Variants in ARHGEF2 observed in about 807,000 individuals in gnomAD.
ARHGEF2 encodes Rho/Rac guanine nucleotide exchange factor 2.
A neutral mutation model predicts 121.0 loss-of-function variants in ARHGEF2; 22 were observed. The observed-to-expected ratio is 0.18, with a 90% CI of 0.13 to 0.26. The LOEUF is 0.26. ARHGEF2 is among the 10% of genes least tolerant of loss of function. The pLI is 1.00. For synonymous variants in ARHGEF2, 487 were observed against 530.0 expected (o/e 0.92, Z 1.11); for missense variants, 907 against 1,336.0 (o/e 0.68, Z 5.01).
chr1:155,978,552 C>T, upstream of ARHGEF2: 3 of 1,267,140 alleles, frequency 2.4e-6, no homozygotes, highest in South Asian at 5.3e-5. This position sits in a 1 kb window ranked among gnomAD's most constrained non-coding sequence, Gnocchi z 4.1. Context: ...TGACTCCCCT[C>T]GCCCGGCACC....
At chr1:155,948,060 A>T (rs1333527195) in intron 21 of ARHGEF2, 45 bp from the exon 22 acceptor site, 1 of 1,497,864 alleles carries the variant, frequency 6.7e-7, no homozygotes. Flanking sequence ...AGAGACTCCC[A>T]TGAGGAACTG....
At position 155,952,509 on chromosome 1, in the gene ARHGEF2, C is replaced by T. The variant is rs1271518816; in HGVS notation, c.1984+119G>A. The stretch of plus-strand genomic sequence containing the variant: ...CTGGCCCAGAAGAGGCACTCAGGGC[C>T]GTTTATGGTTTATAGGGTTGGCATC... On this transcript the variant is annotated intron_variant, in intron 15 of 21. Coordinates refer to ENST00000361247, the MANE Select transcript of ARHGEF2 (RefSeq NM_001162383.2). 25 of 1,221,604 alleles carry T rather than the reference C, an allele frequency of 2.0e-5. 1 individual carries two copies. In the South Asian group the frequency reaches 2.5e-4, roughly 12 times the overall value. 75.7% of individuals were successfully genotyped at this position (1,221,604 alleles called of 1,614,324 possible).
Position 155,965,706 on chromosome 1 carries a change from T to G in ARHGEF2, c.395A>C (p.Gln132Pro). The G allele has an allele frequency of 1.2e-6, 2 of 1,606,270 alleles. No individual in the cohort carries two copies. Among genetic ancestry groups the G allele is most frequent in the Non-Finnish European group, 1.7e-6 (2 of 1,178,152 alleles). The change falls in exon 5 of 22, where the codon CAG (glutamine) becomes CCG (proline). Residue 132 changes from glutamine (Q) to proline (P), a missense_variant. By Grantham distance (76) the Gln-to-Pro change is moderately conservative. Coordinates refer to ENST00000361247, the MANE Select transcript of ARHGEF2 (RefSeq NM_001162383.2). This position sits in a 1 kb window ranked among gnomAD's most constrained non-coding sequence, Gnocchi z 6.0. Reference sequence around the variant, plus strand: ...GCCACGGCGGGAGCCCAGGAGGGACTGCCGGAAGCTGTCGGAGGGGTAGAT... The same window carrying G: ...GCCACGGCGGGAGCCCAGGAGGGACGGCCGGAAGCTGTCGGAGGGGTAGAT... Reference protein sequence around the residue: ...SAIYPSDSFRQSLLGSRRGRS... With the variant: ...SAIYPSDSFRPSLLGSRRGRS...
chr1:155,962,106 G>T lies in ARHGEF2; in HGVS notation c.1218C>A (p.His406Gln). 6.2e-7 allele frequency: 1 copy of T among 1,614,108 alleles called. No individual in the cohort carries two copies. Among genetic ancestry groups the T allele is most frequent in the South Asian group, 1.1e-5 (1 of 91,082 alleles). Residue 406 changes from histidine (H) to glutamine (Q), a missense_variant and splice_region_variant, in exon 10 of 22, where the codon CAC (histidine) becomes CAA (glutamine). His to Gln is a conservative substitution (Grantham distance 24). This residue lies in a region of ARHGEF2 where 475 missense variants were observed against 776.5 expected (regional missense o/e 0.61). Coordinates refer to ENST00000361247, the MANE Select transcript of ARHGEF2 (RefSeq NM_001162383.2). This position sits in a 1 kb window ranked among gnomAD's most constrained non-coding sequence, Gnocchi z 5.8. ...CCTCTCCTGGGCCTGCCTACTCACC[G>T]TGGGAATGCTGCAGGATGCGGCTGA... ...LLISRILQHS[H>Q]GIEEERQDLT...
In ARHGEF2 at chr1:155,951,853, G is replaced by A. The variant is rs1219715810; in HGVS notation, c.2172+66C>T. 2.5e-6 allele frequency: 4 copies of A among 1,612,744 alleles called. No homozygotes were observed. The highest frequency in any genetic ancestry group is 2.5e-6 in the Non-Finnish European group (3 of 1,179,640). ...CCTGCCCCTGACAGCTTTGTGTTGA[G>A]GATCCAGAGGCTGGCTGTCCCTCTC... On this transcript the variant is annotated intron_variant, in intron 17 of 21. Coordinates refer to ENST00000361247, the MANE Select transcript of ARHGEF2 (RefSeq NM_001162383.2). The surrounding 1 kb of genome is among the most constrained non-coding windows in gnomAD (Gnocchi z 5.1).
chr1:155,971,892 A>G (rs111998236), intron 1 of ARHGEF2, among the ~76,000 whole-genome samples: 1 of 151,434 alleles, frequency 6.6e-6, no homozygotes, highest in Non-Finnish European at 1.5e-5. Context: ...ATAAAAAAAA[A>G]AAATATATAC....
At chr1:155,960,991 G>A (rs1187625099) in intron 11 of ARHGEF2, among the ~76,000 whole-genome samples, 1 of 152,066 alleles carries the variant, frequency 6.6e-6, no homozygotes, top group Non-Finnish European at 1.5e-5. Flanking sequence ...CTCTGGCTGC[G>A]CTCCCCAAAG....
Position 155,961,791 on chromosome 1 carries a change from G to A in ARHGEF2, c.1338C>T (p.Tyr446=). 6.2e-7 allele frequency: 1 copy of A among 1,614,212 alleles called. No individual in the cohort carries two copies. Among genetic ancestry groups the A allele is most frequent in the South Asian group, 1.1e-5 (1 of 91,088 alleles). ...LEKGARLQEI[Y]NRMDPRAQTP... The stretch of plus-strand genomic sequence containing the variant: ...TTTGGGCCCGAGGGTCCATGCGGTT[G>A]TAGATCTCCTGCAGACGGGCCCCTT... The change falls in exon 11 of 22, where the codon TAC becomes TAT. Residue 446 remains tyrosine (Y), a synonymous_variant. Coordinates refer to ENST00000361247, the MANE Select transcript of ARHGEF2 (RefSeq NM_001162383.2). This position sits in a 1 kb window ranked among gnomAD's most constrained non-coding sequence, Gnocchi z 4.7.
In ARHGEF2 at chr1:155,947,054, C is replaced by G. The variant is rs1674534269; in HGVS notation, c.*888G>C. On this transcript the variant is annotated 3_prime_UTR_variant, in exon 22 of 22. Transcript: ENST00000361247. ...GTCAGGGCTCTTGGAGATTTTCCAACCCACCCTAGAACTTGTTTCTAAATG... is the reference window on the plus strand; with the variant it reads ...GTCAGGGCTCTTGGAGATTTTCCAAGCCACCCTAGAACTTGTTTCTAAATG... 5.4e-6 allele frequency: 1 copy of G among 186,810 alleles called. No homozygotes were observed. Among genetic ancestry groups the G allele is most frequent in the African/African-American group, 2.4e-5 (1 of 41,958 alleles). 11.6% of individuals were successfully genotyped at this position (186,810 alleles called of 1,614,324 possible).
At chr1:155,969,972 G>A in intron 1 of ARHGEF2, 3 of 985,372 alleles carry the variant, frequency 3.0e-6, no homozygotes, top group Non-Finnish European at 3.6e-6. Flanking sequence ...TACTAACCTT[G>A]AGGCAAAGGC....
chr1:155,970,484 C>T (rs1178016122), intron 1 of ARHGEF2: 3 of 985,368 alleles, frequency 3.0e-6, no homozygotes, highest in Non-Finnish European at 3.6e-6. Context: ...GGACTAGAAG[C>T]TGAGAAGACC....
At chr1:155,970,980 CCTTCT>C in intron 1 of ARHGEF2, 1 of 986,366 alleles carries the variant, frequency 1.0e-6, no homozygotes, top group Non-Finnish European at 1.2e-6. Flanking sequence ...CTATGTCCTC[CCTTCT>C]CTTCTCAGGG....
Position 155,965,577 on chromosome 1 carries a change from T to G in ARHGEF2, c.470+54A>C. On this transcript the variant is annotated intron_variant, in intron 5 of 21. Transcript: ENST00000361247. The surrounding 1 kb of genome is among the most constrained non-coding windows in gnomAD (Gnocchi z 6.0). ...TGGAAAGGGACCTCTCAGCACCCCC[T>G]TGGCCTCCACTGCCACACTCTCTGG... The G allele has an allele frequency of 3.1e-6, 5 of 1,610,946 alleles. No homozygotes were observed. The highest frequency in any genetic ancestry group is 4.2e-6 in the Non-Finnish European group (5 of 1,179,450).
chr1:155,961,746 G>A lies in ARHGEF2; in HGVS notation c.1383C>T (p.Gly461=), dbSNP rs1323498786. 6.2e-7 allele frequency: 1 copy of A among 1,614,202 alleles called. No individual in the cohort carries two copies. Among genetic ancestry groups the A allele is most frequent in the Middle Eastern group, 1.6e-4 (1 of 6,062 alleles). Residue 461 remains glycine (G), a synonymous_variant, in exon 11 of 22, where the codon GGC becomes GGT. Transcript: ENST00000361247. The surrounding 1 kb of genome is among the most constrained non-coding windows in gnomAD (Gnocchi z 4.7). ...PRAQTPVPGK[G]PFGREELLRR... is the part of the protein sequence containing the mutation. ...TCAGAAGTTCCTCTCGGCCAAAGGG[G>A]CCCTTGCCAGGCACTGGGGTTTGGG...
At chr1:155,964,179 TATATATATATATATATATAC>T (rs1306283503) in intron 7 of ARHGEF2, among the ~76,000 whole-genome samples, 18 of 107,704 alleles carry the variant, frequency 1.7e-4, no homozygotes, top group African/African-American at 3.5e-4. Context: ...TATATATATA[TATATATATATATATATATAC>T]ATATATATAT....
chr1:155,954,691 C>T (rs1676322561), intron 14 of ARHGEF2, among the ~76,000 whole-genome samples: 2 of 150,874 alleles, frequency 1.3e-5, no homozygotes, highest in African/African-American at 4.9e-5. Flanking sequence ...AAGTAAGTTA[C>T]TCACCCAACC....
In ARHGEF2 at chr1:155,949,862, G is replaced by A. The variant is rs534078460; in HGVS notation, c.2887+437C>T. On this transcript the variant is annotated intron_variant, in intron 21 of 21. Coordinates refer to ENST00000361247, the MANE Select transcript of ARHGEF2 (RefSeq NM_001162383.2). Reference sequence around the variant, plus strand: ...ACTGCACTCCAGCCCAGGCAACAGTGCAAGACTCCATCTCAAAAAATAATA... The same window carrying A: ...ACTGCACTCCAGCCCAGGCAACAGTACAAGACTCCATCTCAAAAAATAATA... 8.4e-4 allele frequency among the ~76,000 whole-genome samples: 128 copies of A among 151,870 alleles called. 1 individual carries two copies. Among genetic ancestry groups the A allele is most frequent in the African/African-American group, 3.0e-3 (124 of 41,412 alleles).
intron 14 of ARHGEF2, among the ~76,000 whole-genome samples, chr1:155,954,182 G>A (rs1454959018): frequency 6.8e-6 from 1 of 146,508 alleles, no homozygotes; most frequent in African/African-American, 2.5e-5. Flanking sequence ...ATGTTTTGTT[G>A]CCCAGACTGG....
At chr1:155,972,922 T>C (rs1026159222) in intron 1 of ARHGEF2, among the ~76,000 whole-genome samples, 3 of 151,954 alleles carry the variant, frequency 2.0e-5, no homozygotes, top group African/African-American at 7.3e-5. Flanking sequence ...CAGGCTGGTC[T>C]CGAACTCCTA....
Sources: allele counts gnomAD v4.1 joint callset (sites outside exome capture counted in the v4.1 genomes callset), GRCh38; gene constraint gnomAD v4.1.1; regional missense constraint gnomAD v4.1.1; non-coding constraint Gnocchi (gnomAD v3.1); transcripts MANE v1.5; gene names NCBI Gene and HGNC (gene_info 2026-07-23, HGNC 2026-07-21).